Variants in TULP4 observed in about 807,000 individuals in gnomAD.
The protein encoded by TULP4 is TUB like protein 4.
In TULP4, 16 loss-of-function variants were observed where a neutral mutation model predicts 129.0. The observed-to-expected ratio is 0.12, with a 90% confidence interval of 0.08 to 0.19. The LOEUF (loss-of-function observed/expected upper bound fraction) is 0.19. TULP4 is among the 10% of genes least tolerant of loss of function. The pLI is 1.00. For missense variants in TULP4, 1,842 were observed against 2,059.1 expected (o/e 0.89, Z 2.04); for synonymous variants, 998 against 854.0 (o/e 1.17, Z -2.94).
intron 1 of TULP4, among the ~76,000 whole-genome samples, chr6:158,324,083 G>C (rs1779693823): frequency 6.6e-6 from 1 of 152,134 alleles, no homozygotes; most frequent in South Asian, 2.1e-4. Flanking sequence ...TTTTACCCTG[G>C]AAAGGAATTT....
chr6:158,436,866 G>C (rs973620819), intron 3 of TULP4, among the ~76,000 whole-genome samples: 2 of 152,168 alleles, frequency 1.3e-5, no homozygotes, highest in South Asian at 4.1e-4. Flanking sequence ...GTTGCATTTA[G>C]TTTTGTGTTT....
chr6:158,242,263 T>G, intron 1 of TULP4: 1 of 1,552,518 alleles, frequency 6.4e-7, no homozygotes, highest in Non-Finnish European at 8.8e-7. Context: ...CTGGCCGTGG[T>G]CTATCAGTGC....
intron 1 of TULP4, among the ~76,000 whole-genome samples, chr6:158,283,371 G>A (rs907275539): frequency 6.6e-6 from 1 of 152,036 alleles, no homozygotes; most frequent in African/African-American, 2.4e-5. Flanking sequence ...TAAATGTTTC[G>A]AAGCCCCTGG....
intron 6 of TULP4, among the ~76,000 whole-genome samples, chr6:158,463,423 G>A (rs540762598): frequency 6.6e-6 from 1 of 151,992 alleles, no homozygotes; most frequent in Non-Finnish European, 1.5e-5. Context: ...CTGGGAGGGA[G>A]TTGACAGTGG....
intron 10 of TULP4, among the ~76,000 whole-genome samples, chr6:158,494,088 C>T (rs1161872692): frequency 6.6e-6 from 1 of 152,196 alleles, no homozygotes; most frequent in Non-Finnish European, 1.5e-5. Flanking sequence ...AGATTGTCAC[C>T]ACCCCACCTC....
intron 1 of TULP4, among the ~76,000 whole-genome samples, chr6:158,298,475 C>T (rs574091823): frequency 6.2e-4 from 93 of 149,564 alleles, no homozygotes; most frequent in Non-Finnish European, 1.2e-3. Flanking sequence ...AACATCTCTC[C>T]CTTTCTTTTT....
chr6:158,452,223 A>C lies in TULP4; in HGVS notation c.814A>C (p.Asn272His). The change falls in exon 5 of 14, where the codon AAC becomes CAC. Residue 272 changes from asparagine to histidine, a missense_variant. By Grantham distance (68) the Asn-to-His change is moderately conservative (BLOSUM62 1). Transcript: ENST00000367097. Reference sequence around the variant, plus strand: ...CTCGGGAGACATCAGCTTAATGAACAACTACGATGACTTGTCTCCCACGGT... The same window carrying C: ...CTCGGGAGACATCAGCTTAATGAACCACTACGATGACTTGTCTCCCACGGT... ...FTSGDISLMN[N>H]YDDLSPTVIR... is the part of the protein sequence containing the mutation. 3 of 1,614,208 alleles carry C rather than the reference A, an allele frequency of 1.9e-6. No individual in the cohort carries two copies. The highest frequency in any genetic ancestry group is 8.5e-7 in the Non-Finnish European group (1 of 1,180,040).
chr6:158,242,128 GCCATCTGA>G (rs1324625256), intron 1 of TULP4: 6 of 889,232 alleles, frequency 6.7e-6, no homozygotes, highest in Non-Finnish European at 9.6e-6. Flanking sequence ...CAGAATATAG[GCCATCTGA>G]CCATAAGTGA....
upstream of TULP4, chr6:158,311,952 A>G: frequency 2.5e-6 from 1 of 393,880 alleles, no homozygotes. Flanking sequence ...AAGTGTAAAG[A>G]TGGGTCTCTC....
At chr6:158,277,808 A>G (rs1407593576), upstream of TULP4, among the ~76,000 whole-genome samples, 1 of 152,212 alleles carries the variant, frequency 6.6e-6, no homozygotes, top group African/African-American at 2.4e-5. Flanking sequence ...ATATTCTGAA[A>G]CAACTCCCTG....
rs141053814 is a variant in TULP4, at chr6:158,459,361, C to T, written c.860-2202C>T. ...AGGAGAATCGCTTGAACCCAGGAGG[C>T]GGAGGTTGCAGTGAGCCGAGATCGC... On this transcript the variant is annotated intron_variant, in intron 5 of 13. Transcript: ENST00000367097. Among the ~76,000 whole-genome samples, 356 of 151,552 alleles carry T rather than the reference C, an allele frequency of 2.3e-3. 1 individual carries two copies. Among genetic ancestry groups the T allele is most frequent in the African/African-American group, 8.0e-3 (329 of 41,216 alleles).
chr6:158,319,323 G>A (rs1384543992), intron 1 of TULP4, among the ~76,000 whole-genome samples: 1 of 152,124 alleles, frequency 6.6e-6, no homozygotes, highest in Non-Finnish European at 1.5e-5. Flanking sequence ...GTGAACTTGT[G>A]TCTTCATTTA....
chr6:158,257,090 G>T (rs79296648), intron 1 of TULP4, among the ~76,000 whole-genome samples: 1 of 151,982 alleles, frequency 6.6e-6, no homozygotes, highest in African/African-American at 2.4e-5. Context: ...AGGCTTAGTA[G>T]CCTGATCTCC....
Position 158,498,826 on chromosome 6 carries a change from C to T in TULP4, c.2014+14C>T, listed in dbSNP as rs1474334343. ...ATGATTTACCAGGTGTGTTCACATACATCAACGTGTTTGTCACGGTCCCTC... is the reference window on the plus strand; with the variant it reads ...ATGATTTACCAGGTGTGTTCACATATATCAACGTGTTTGTCACGGTCCCTC... On this transcript the variant is annotated intron_variant, in intron 12 of 13. Coordinates refer to ENST00000367097, the MANE Select transcript of TULP4 (RefSeq NM_020245.5). 8 of 1,613,010 alleles carry T rather than the reference C, an allele frequency of 5.0e-6. No individual in the cohort carries two copies. In the East Asian group the frequency reaches 1.6e-4, roughly 31 times the overall value.
rs76256123 is a variant in TULP4, at chr6:158,330,331, A to T, written c.252+16063A>T. Among the ~76,000 whole-genome samples the T allele has an allele frequency of 3.7e-4, 56 of 152,326 alleles. No homozygotes were observed. The East Asian group carries it at 0.01, about 28-fold the overall frequency. The stretch of plus-strand genomic sequence containing the variant: ...AACTTGTTAATGAATGTCCAATAGG[A>T]CCTTGGATAAAAGGCATTTAAAAAC... On this transcript the variant is annotated intron_variant, in intron 1 of 13. Transcript: ENST00000367097.
chr6:158,346,928 A>G (rs1239067158), intron 1 of TULP4, among the ~76,000 whole-genome samples: 5 of 152,206 alleles, frequency 3.3e-5, no homozygotes, highest in African/African-American at 4.8e-5. Context: ...GAAAGATGTG[A>G]CCATAGCTGC....
chr6:158,306,383 C>G (rs1454646165), intron 1 of TULP4, among the ~76,000 whole-genome samples: 1 of 152,142 alleles, frequency 6.6e-6, no homozygotes, highest in Non-Finnish European at 1.5e-5. Flanking sequence ...ATTGGGAAAC[C>G]CTGTCTCTTC....
chr6:158,295,895 G>T (rs912485592), intron 1 of TULP4, among the ~76,000 whole-genome samples: 2 of 151,716 alleles, frequency 1.3e-5, no homozygotes, highest in Non-Finnish European at 2.9e-5. Flanking sequence ...CGTCTCAAAA[G>T]AAAAAAAGAA....
chr6:158,506,233 T>C (rs1185121513), intron 13 of TULP4, among the ~76,000 whole-genome samples: 1 of 126,716 alleles, frequency 7.9e-6, no homozygotes, highest in East Asian at 2.3e-4. Context: ...TTTTTTTTTT[T>C]TTTTTTTTTT....
Sources: allele counts gnomAD v4.1 joint callset (sites outside exome capture counted in the v4.1 genomes callset), GRCh38; gene constraint gnomAD v4.1.1; transcripts MANE v1.5; gene names NCBI Gene and HGNC (gene_info 2026-07-23, HGNC 2026-07-21).